The following GSTA5 variants were observed in gnomAD, a reference collection of about 807,000 sequenced individuals.
GSTA5 encodes glutathione S-transferase alpha 5.
A neutral mutation model predicts 21.8 loss-of-function variants in GSTA5; 25 were observed. The ratio of observed to expected loss-of-function variants is 1.14; its 90% CI spans 0.83 to 1.60. The LOEUF (loss-of-function observed/expected upper bound fraction) is 1.60, where lower values mean the gene tolerates loss of function less well. Among genes scored for constraint, GSTA5 ranks in the 40% most tolerant of loss-of-function variants. The probability of loss-of-function intolerance (pLI) is 0.00; values close to 1 mark genes in which losing one functional copy is unlikely to be tolerated. For missense variants in GSTA5, 330 were observed against 259.2 expected, an observed-to-expected ratio of 1.27 and a Z score of -1.88; for synonymous variants, 102 against 89.5, an observed-to-expected ratio of 1.14 and a Z score of -0.78.
chr6:52,836,926 G>C (rs1213505155), intron 2 of GSTA5, among the ~76,000 whole-genome samples: 1 of 152,096 alleles, frequency 6.6e-6, no homozygotes, highest in Non-Finnish European at 1.5e-5. Flanking sequence ...ATACATAGCA[G>C]GACTCTTGTA....
chr6:52,834,972 A>G (rs574243972), intron 3 of GSTA5, among the ~76,000 whole-genome samples: 1 of 152,308 alleles, frequency 6.6e-6, no homozygotes, highest in Non-Finnish European at 1.5e-5. Flanking sequence ...GTGTCAAACT[A>G]GAGTTTCACA....
At chr6:52,844,991 T>C (rs1162485618), upstream of GSTA5, among the ~76,000 whole-genome samples, 1 of 152,216 alleles carries the variant, frequency 6.6e-6, no homozygotes, top group Non-Finnish European at 1.5e-5. Flanking sequence ...CTGTAATCTG[T>C]CTGTCTCTTC....
chr6:52,842,068 C>T (rs921770598), upstream of GSTA5, among the ~76,000 whole-genome samples: 1 of 152,150 alleles, frequency 6.6e-6, no homozygotes, highest in Admixed American at 6.5e-5. Context: ...CGCTCACCTG[C>T]TTGTTGTAAA....
intron 1 of GSTA5, among the ~76,000 whole-genome samples, chr6:52,838,078 A>G (rs1764317797): frequency 6.6e-6 from 1 of 152,208 alleles, no homozygotes; most frequent in Non-Finnish European, 1.5e-5. Context: ...CTTTTCAGGA[A>G]CCCTGCTAAG....
At chr6:52,835,941 T>TG (rs1764286000) in intron 3 of GSTA5, among the ~76,000 whole-genome samples, 1 of 152,192 alleles carries the variant, frequency 6.6e-6, no homozygotes, top group African/African-American at 2.4e-5. Context: ...TCTGAGTACC[T>TG]GAATCATGAT....
chr6:52,835,021 C>T (rs112162344), intron 3 of GSTA5, among the ~76,000 whole-genome samples: 11 of 152,324 alleles, frequency 7.2e-5, no homozygotes, highest in African/African-American at 2.2e-4. Flanking sequence ...CGTATGTTCA[C>T]GTACTGTAAT....
the GSTA5 span, chr6:52,846,185 C>T: frequency 5.9e-6 from 1 of 168,664 alleles, no homozygotes; most frequent in Non-Finnish European, 1.3e-5. Flanking sequence ...TAGGGAAAAC[C>T]CACTCCCACA....
rs551855658 is a variant in GSTA5 at position 52,835,033 on chromosome 6, G to A, written c.273-751C>T. On this transcript the variant is annotated intron_variant, in intron 3 of 5. Coordinates refer to ENST00000370989, the Ensembl canonical transcript of GSTA5. ...TGACGTATGTTCACGTACTGTAATTGCAACCTGTTAAATTACACTATTGAG... is the reference window on the plus strand; with the variant it reads ...TGACGTATGTTCACGTACTGTAATTACAACCTGTTAAATTACACTATTGAG... Among the ~76,000 whole-genome samples the A allele has an allele frequency of 2.6e-5, 4 of 152,280 alleles. No individual in the cohort carries two copies. The South Asian group carries it at 8.3e-4, about 32-fold the overall frequency.
At chr6:52,843,116 G>A (rs1014974730), upstream of GSTA5, among the ~76,000 whole-genome samples, 152 of 152,254 alleles carry the variant, frequency 1.0e-3, no homozygotes, top group African/African-American at 3.6e-3. Context: ...ATTCCATGGT[G>A]TATATGTGGC....
chr6:52,832,969 C>T (rs1200993193), exon 5 of GSTA5: 1 of 1,613,990 alleles, frequency 6.2e-7, no homozygotes, highest in African/African-American at 1.3e-5. Context: ...ACAAGGTAGT[C>T]TTGTCTGTGG....
intron 4 of GSTA5, 21 bp downstream of exon 4, chr6:52,834,120 A>G (rs764842113): frequency 1.9e-6 from 3 of 1,614,020 alleles, no homozygotes; most frequent in Non-Finnish European, 2.5e-6. Context: ...GTTCCCCTAA[A>G]CATTGAACAG....
At chr6:52,842,963 C>T (rs1239502307), upstream of GSTA5, among the ~76,000 whole-genome samples, 3 of 152,120 alleles carry the variant, frequency 2.0e-5, no homozygotes, top group African/African-American at 4.8e-5. Context: ...CATGTGTTCT[C>T]CTTGGTCAAC....
upstream of GSTA5, among the ~76,000 whole-genome samples, chr6:52,845,558 C>T (rs1282210177): frequency 6.6e-5 from 10 of 152,182 alleles, no homozygotes; most frequent in Admixed American, 1.3e-4. Flanking sequence ...GACTTGTCGT[C>T]AAGCTAATTA....
chr6:52,841,895 T>C (rs1764381583), upstream of GSTA5, among the ~76,000 whole-genome samples: 1 of 152,246 alleles, frequency 6.6e-6, no homozygotes, highest in Non-Finnish European at 1.5e-5. Flanking sequence ...CAAATATGCA[T>C]GGTAATCTTT....
At position 52,840,771 on chromosome 6, in the gene GSTA5, T is replaced by G. The variant is rs201823448; in HGVS notation, c.43A>C (p.Ser15Arg). ...AGGAGCCACCGAATGGACTCCATAC[T>G]GCCCCGTGCATTGGAGTAGTGGAGC... is the stretch of plus-strand genomic sequence containing the variant. Residue 15 changes from serine (S) to arginine (R), a missense_variant, in exon 1 of 6, where the codon AGT becomes CGT. Coordinates refer to ENST00000370989, the Ensembl canonical transcript of GSTA5. 2.5e-6 allele frequency: 4 copies of G among 1,614,164 alleles called. No individual in the cohort carries two copies. In the South Asian group the frequency reaches 4.4e-5, roughly 18 times the overall value.
intron 1 of GSTA5, among the ~76,000 whole-genome samples, chr6:52,837,878 G>A (rs1764315526): frequency 6.6e-6 from 1 of 152,128 alleles, no homozygotes; most frequent in African/African-American, 2.4e-5. Flanking sequence ...ATTTTGAGAG[G>A]GGACATCACT....
chr6:52,836,939 T>A (rs2127324273), intron 2 of GSTA5, among the ~76,000 whole-genome samples: 1 of 152,336 alleles, frequency 6.6e-6, no homozygotes, highest in African/African-American at 2.4e-5. Flanking sequence ...CTCTTGTATT[T>A]TTTGTGTTGA....
intron 2 of GSTA5, 91 bp from the exon 3 acceptor site, chr6:52,836,459 G>T (rs1764295762): frequency 1.9e-5 from 25 of 1,318,184 alleles, no homozygotes; most frequent in Non-Finnish European, 2.4e-5. Flanking sequence ...GACTAAATTT[G>T]TGAAATGAAA....
At chr6:52,844,757 A>G (rs1764430526), upstream of GSTA5, among the ~76,000 whole-genome samples, 1 of 152,238 alleles carries the variant, frequency 6.6e-6, no homozygotes, top group Non-Finnish European at 1.5e-5. Flanking sequence ...CAAAAAATTC[A>G]TAGTAGGAAC....
Sources: allele counts gnomAD v4.1 joint callset (sites outside exome capture counted in the v4.1 genomes callset), GRCh38; gene constraint gnomAD v4.1.1; transcripts MANE v1.5; gene names NCBI Gene and HGNC (gene_info 2026-07-23, HGNC 2026-07-21).